Variants in FLRT1 observed in about 807,000 individuals in gnomAD.
FLRT1 encodes the protein fibronectin leucine rich transmembrane protein 1.
In FLRT1, 14 loss-of-function variants were observed where a neutral mutation model predicts 30.9. The observed-to-expected ratio is 0.45, with a 90% CI of 0.30 to 0.71. The LOEUF (loss-of-function observed/expected upper bound fraction) is 0.71. FLRT1 is among the 30% of genes least tolerant of loss of function. The probability of loss-of-function intolerance (pLI) is 0.08; values close to 1 mark genes in which losing one functional copy is unlikely to be tolerated. For synonymous variants in FLRT1, 368 were observed against 430.4 expected, an observed-to-expected ratio of 0.85 and a Z score of 1.80; for missense variants, 737 against 949.2, an observed-to-expected ratio of 0.78 and a Z score of 2.94.
intron 1 of FLRT1, among the ~76,000 whole-genome samples, chr11:64,046,443 G>A (rs1160344310): frequency 6.6e-6 from 1 of 152,212 alleles, no homozygotes; most frequent in African/African-American, 2.4e-5. Flanking sequence ...GGGACAGGAG[G>A]GAGCTGGGTC....
At chr11:64,068,539 T>G (rs940345471) in intron 1 of FLRT1, among the ~76,000 whole-genome samples, 1 of 152,242 alleles carries the variant, frequency 6.6e-6, no homozygotes, top group East Asian at 1.9e-4. Flanking sequence ...TGCACATATT[T>G]ACTGCCGATT....
intron 1 of FLRT1, among the ~76,000 whole-genome samples, chr11:64,054,351 G>A (rs1008755541): frequency 2.0e-5 from 3 of 152,196 alleles, no homozygotes; most frequent in Non-Finnish European, 2.9e-5. Context: ...GGAAAGAAGC[G>A]GCCACTTCTC....
intron 2 of FLRT1, among the ~76,000 whole-genome samples, chr11:64,104,649 G>A (rs142189383): frequency 2.4e-4 from 36 of 152,230 alleles, no homozygotes; most frequent in African/African-American, 7.2e-4. Context: ...ATCAGGGCCC[G>A]CCCCTGTTCT....
At chr11:64,056,615 A>C (rs1943791212) in intron 1 of FLRT1, among the ~76,000 whole-genome samples, 1 of 152,248 alleles carries the variant, frequency 6.6e-6, no homozygotes, top group Non-Finnish European at 1.5e-5. Flanking sequence ...GGATGGCAGC[A>C]GCCAGGGCTG....
intron 1 of FLRT1, among the ~76,000 whole-genome samples, chr11:64,097,963 G>A (rs1944607289): frequency 6.6e-6 from 1 of 152,156 alleles, no homozygotes; most frequent in Non-Finnish European, 1.5e-5. Flanking sequence ...TCAGCACCCA[G>A]GCCTGTCTTC....
chr11:64,046,860 C>A (rs772447141), intron 1 of FLRT1, among the ~76,000 whole-genome samples: 2 of 152,162 alleles, frequency 1.3e-5, no homozygotes, highest in Non-Finnish European at 2.9e-5. Context: ...CCCATCCCTG[C>A]CTCTCCCCAT....
chr11:64,087,654 C>T (rs1440127513), intron 1 of FLRT1, among the ~76,000 whole-genome samples: 5 of 152,352 alleles, frequency 3.3e-5, no homozygotes, highest in Admixed American at 6.5e-5. Context: ...CATGCAGCCA[C>T]GGGTCCTTGT....
At position 64,118,009 on chromosome 11, in the gene FLRT1, G is replaced by A. The variant is rs1393488373; in HGVS notation, c.1742G>A (p.Gly581Asp). The change falls in exon 3 of 3, where the codon GGC (glycine) becomes GAC (aspartate). Residue 581 changes from glycine to aspartate, a missense_variant. Physicochemically the swap from Gly to Asp is moderately conservative, Grantham distance 94 (BLOSUM62 -1). Coordinates refer to ENST00000682287, the MANE Select transcript of FLRT1 (RefSeq NM_013280.5). ...GAICWYVHQA[G>D]ELLTRERAYN... ...ATCTGCTGGTACGTGCACCAGGCTG[G>A]CGAGCTGCTGACCCGGGAGAGGGCC... The A allele has an allele frequency of 6.2e-7, 1 of 1,613,540 alleles. No individual in the cohort carries two copies. Among genetic ancestry groups the A allele is most frequent in the East Asian group, 2.2e-5 (1 of 44,898 alleles).
rs1300151292 is a variant in FLRT1 at position 64,090,700 on chromosome 11, G to A, written c.-1037-12494G>A. Among the ~76,000 whole-genome samples the A allele has an allele frequency of 6.6e-6, 1 of 152,106 alleles. No homozygotes were observed. The highest frequency in any genetic ancestry group is 1.5e-5 in the Non-Finnish European group (1 of 68,014). ...CTTCTCTGAGGCGGGGACGTCCCAA[G>A]ACTAAAATGGGGGCAGGGGTGGCAG... On this transcript the variant is annotated intron_variant, in intron 1 of 2. Transcript: ENST00000682287. The surrounding 1 kb of genome is among the most constrained non-coding windows in gnomAD (Gnocchi z 4.7).
intron 1 of FLRT1, among the ~76,000 whole-genome samples, chr11:64,069,944 G>A (rs373483858): frequency 3.3e-5 from 5 of 152,120 alleles, no homozygotes; most frequent in East Asian, 3.9e-4. Flanking sequence ...AGCCCGACTC[G>A]CGCCCAGTGG....
At position 64,108,644 on chromosome 11, in the gene FLRT1, C is replaced by T. The variant is rs1226405058; in HGVS notation, c.-50+4463C>T. Among the ~76,000 whole-genome samples, 6 of 152,330 alleles carry T rather than the reference C, an allele frequency of 3.9e-5. No individual in the cohort carries two copies. The East Asian group carries it at 9.6e-4, about 24-fold the overall frequency. The stretch of plus-strand genomic sequence containing the variant: ...GCTTCCTGTCTAGTGGGAGGTGGGA[C>T]TGGGGTCCCACTGGCCTTTCCCGCT... On this transcript the variant is annotated intron_variant, in intron 2 of 2. Transcript: ENST00000682287.
intron 1 of FLRT1, among the ~76,000 whole-genome samples, chr11:64,083,391 G>A (rs778317625): frequency 6.6e-6 from 1 of 152,174 alleles, no homozygotes; most frequent in Non-Finnish European, 1.5e-5. Context: ...AGCTGAGATT[G>A]CACCACTGCA....
rs1345123909 is a variant in FLRT1 at position 64,049,465 on chromosome 11, C to T, written c.-1038+13306C>T. Among the ~76,000 whole-genome samples, 4 of 152,196 alleles carry T rather than the reference C, an allele frequency of 2.6e-5. No individual in the cohort carries two copies. The East Asian group carries it at 7.7e-4, about 29-fold the overall frequency. On this transcript the variant is annotated intron_variant, in intron 1 of 2. Transcript: ENST00000682287. The stretch of plus-strand genomic sequence containing the variant: ...TTACCCGCATGACTCGCTTCATCCT[C>T]ACAACCTTATGGGGGAGGTATGAGG...
At chr11:64,085,634 A>G (rs1168267605) in intron 1 of FLRT1, among the ~76,000 whole-genome samples, 4 of 152,302 alleles carry the variant, frequency 2.6e-5, no homozygotes, top group African/African-American at 9.6e-5. Flanking sequence ...TCTGCCCCAC[A>G]TGGCTGTGGG....
chr11:64,054,617 G>A (rs1337903397), intron 1 of FLRT1, among the ~76,000 whole-genome samples: 2 of 152,106 alleles, frequency 1.3e-5, no homozygotes, highest in African/African-American at 4.8e-5. Context: ...CTGGGCCTCC[G>A]TTTCCTCATC....
intron 2 of FLRT1, among the ~76,000 whole-genome samples, chr11:64,107,440 C>T (rs536109703): frequency 1.2e-4 from 18 of 150,382 alleles, no homozygotes; most frequent in African/African-American, 3.9e-4. Flanking sequence ...TTTTTAAAAG[C>T]GATTTACATT....
intron 1 of FLRT1, among the ~76,000 whole-genome samples, chr11:64,039,110 T>C (rs1475345399): frequency 6.6e-6 from 1 of 152,048 alleles, no homozygotes; most frequent in Non-Finnish European, 1.5e-5. Flanking sequence ...GGCCATCCAC[T>C]CTGGTACCTG....
intron 2 of FLRT1, among the ~76,000 whole-genome samples, chr11:64,108,228 G>A (rs952890940): frequency 1.3e-5 from 2 of 151,572 alleles, no homozygotes; most frequent in Admixed American, 6.6e-5. Context: ...CAGAAGAATC[G>A]CCTGAACCCA....
rs1350927200 is a variant in FLRT1 at position 64,118,870 on chromosome 11, A to C, written c.*578A>C. 6.0e-6 allele frequency: 1 copy of C among 167,092 alleles called. No homozygotes were observed. The highest frequency in any genetic ancestry group is 1.5e-5 in the Non-Finnish European group (1 of 68,066). The allele number at this position is 167,092 out of a possible 1,614,324, so 10.4% of individuals were successfully genotyped here. ...GCTTATTCCATACCATTTCCCTTGC[A>C]GATTTGCAGAAACATGGCATCTTTC... On this transcript the variant is annotated 3_prime_UTR_variant, in exon 3 of 3. Transcript: ENST00000682287.
Sources: allele counts gnomAD v4.1 joint callset (sites outside exome capture counted in the v4.1 genomes callset), GRCh38; gene constraint gnomAD v4.1.1; non-coding constraint Gnocchi (gnomAD v3.1); transcripts MANE v1.5; gene names NCBI Gene and HGNC (gene_info 2026-07-23, HGNC 2026-07-21).